Variants in NTRK3 observed in about 807,000 individuals in gnomAD.
NTRK3 encodes NT-3 growth factor receptor.
Under a neutral mutation model 91.7 loss-of-function variants are expected in NTRK3, and 24 were observed. The ratio of observed to expected loss-of-function variants is 0.26; its 90% CI spans 0.19 to 0.37. NTRK3 has a LOEUF of 0.37. NTRK3 is among the 10% of genes least tolerant of loss of function. The pLI is 1.00. For missense variants in NTRK3, 880 were observed against 1,068.9 expected, an observed-to-expected ratio of 0.82 and a Z score of 2.46; for synonymous variants, 483 against 404.0, an observed-to-expected ratio of 1.20 and a Z score of -2.34.
chr15:88,085,108 G>A (rs968181631), intron 13 of NTRK3, among the ~76,000 whole-genome samples: 1 of 152,188 alleles, frequency 6.6e-6, no homozygotes, highest in Admixed American at 6.5e-5. Flanking sequence ...AACAGCCTGG[G>A]TGCAGCCAAG....
intron 14 of NTRK3, among the ~76,000 whole-genome samples, chr15:87,952,214 AAAAGAAAAGAG>A (rs992001838): frequency 6.0e-5 from 9 of 150,210 alleles, no homozygotes; most frequent in African/African-American, 2.0e-4. Context: ...AAGAAAGAAG[AAAAGAAAAGAG>A]AAAGAAAAGA....
At position 88,240,001 on chromosome 15, in the gene NTRK3, T is replaced by C. The variant is rs1007097118; in HGVS notation, c.248+15905A>G. ...CGCATGCACGCCAAAGCTTAATAACTCACAGGGTCTGGTCTCCAGAACACA... is the reference window on the plus strand; with the variant it reads ...CGCATGCACGCCAAAGCTTAATAACCCACAGGGTCTGGTCTCCAGAACACA... On this transcript the variant is annotated intron_variant, in intron 3 of 18. Coordinates refer to ENST00000394480, the Ensembl canonical transcript of NTRK3. The surrounding 1 kb of genome is among the most constrained non-coding windows in gnomAD (Gnocchi z 4.9). Among the ~76,000 whole-genome samples, 4 of 151,798 alleles carry C rather than the reference T, an allele frequency of 2.6e-5. No individual in the cohort carries two copies. The highest frequency in any genetic ancestry group is 6.6e-5 in the Admixed American group (1 of 15,238).
intron 13 of NTRK3, among the ~76,000 whole-genome samples, chr15:88,110,728 C>T (rs140431605): frequency 2.0e-4 from 31 of 152,274 alleles, no homozygotes; most frequent in African/African-American, 7.5e-4. Flanking sequence ...ACAAGGCTGG[C>T]AAGAGTGGAA....
chr15:88,117,386 A>G (rs1183678272), intron 13 of NTRK3, among the ~76,000 whole-genome samples: 2 of 152,204 alleles, frequency 1.3e-5, no homozygotes, highest in Non-Finnish European at 2.9e-5. Context: ...TTCCCCTACT[A>G]TGATTAGAAG....
In NTRK3 at chr15:88,183,410, C is replaced by G; in HGVS notation, c.395+8G>C. On this transcript the variant is annotated splice_region_variant and intron_variant, in intron 5 of 18. Transcript: ENST00000394480. The stretch of plus-strand genomic sequence containing the variant: ...TGCCCCCAATCCCTGCAGCCCAGCT[C>G]TACTCACATATAACGCAAATGGGGG... The G allele has an allele frequency of 1.9e-6, 3 of 1,614,004 alleles. No individual in the cohort carries two copies. The highest frequency in any genetic ancestry group is 2.2e-5 in the East Asian group (1 of 44,854).
At chr15:88,022,686 C>T (rs923080691) in intron 14 of NTRK3, among the ~76,000 whole-genome samples, 2 of 152,304 alleles carry the variant, frequency 1.3e-5, no homozygotes, top group Non-Finnish European at 2.9e-5. Context: ...CCCCTGGGCT[C>T]CCATCCCACC....
In NTRK3 at chr15:87,912,931, A is replaced by AAAATATATATATATATATAT. The variant is rs1484111389; in HGVS notation, c.2133+16259_2133+16260insATATATATATATATATATTT. Among the ~76,000 whole-genome samples, 10 of 36,486 alleles carry AAAATATATATATATATATAT rather than the reference A, an allele frequency of 2.7e-4. 1 individual carries two copies. The highest frequency in any genetic ancestry group is 5.4e-4 in the African/African-American group (4 of 7,376). The allele number at this position is 36,486 out of a possible 152,430, so 23.9% of individuals were successfully genotyped here. On this transcript the variant is annotated intron_variant, in intron 17 of 18. Coordinates refer to ENST00000394480, the Ensembl canonical transcript of NTRK3. Reference sequence around the variant, plus strand: ...TTCAACTTTTCAAAAAGTAAAAAAAAATATATATATATATATATATATATA... The same window carrying AAAATATATATATATATATAT: ...TTCAACTTTTCAAAAAGTAAAAAAAAAAATATATATATATATATATATATATATATATATATATATATATA...
chr15:88,036,783 G>A (rs866656665), intron 13 of NTRK3, among the ~76,000 whole-genome samples: 18 of 152,176 alleles, frequency 1.2e-4, no homozygotes, highest in African/African-American at 3.9e-4. Context: ...AAGACCACAC[G>A]CAACAGAAGT....
intron 17 of NTRK3, among the ~76,000 whole-genome samples, chr15:87,907,447 C>T (rs114767959): frequency 0.012 from 1,877 of 152,168 alleles, 43 homozygotes; most frequent in African/African-American, 0.043. Context: ...ATTTACCTCC[C>T]TAACCAAATT....
At chr15:87,966,107 C>CA (rs1410895767) in intron 14 of NTRK3, among the ~76,000 whole-genome samples, 26 of 147,166 alleles carry the variant, frequency 1.8e-4, no homozygotes, top group South Asian at 1.7e-3. Context: ...AACAAACAAA[C>CA]AAAAAACTCC....
At chr15:88,100,823 C>T (rs1300653084) in intron 13 of NTRK3, among the ~76,000 whole-genome samples, 2 of 152,188 alleles carry the variant, frequency 1.3e-5, no homozygotes, top group African/African-American at 4.8e-5. Flanking sequence ...ATGTAGAAAG[C>T]TGAAACTGGA....
At chr15:88,150,900 A>T (rs956961936) in intron 5 of NTRK3, among the ~76,000 whole-genome samples, 3 of 151,988 alleles carry the variant, frequency 2.0e-5, no homozygotes, top group African/African-American at 7.3e-5. Flanking sequence ...GTTGCCACCC[A>T]CTCGGAACTC....
chr15:88,130,849 T>C (rs181626545), intron 10 of NTRK3, among the ~76,000 whole-genome samples: 32 of 152,282 alleles, frequency 2.1e-4, no homozygotes, highest in African/African-American at 7.5e-4. Flanking sequence ...ATGGGACAAG[T>C]GATGAAATGT....
intron 3 of NTRK3, among the ~76,000 whole-genome samples, chr15:88,246,262 G>T (rs2052806679): frequency 6.6e-6 from 1 of 152,248 alleles, no homozygotes; most frequent in Admixed American, 6.5e-5. Flanking sequence ...TCCAGGCAGG[G>T]CCCATGGCCC....
In NTRK3 at chr15:88,129,478, T is replaced by C. The variant is rs909471386; in HGVS notation, c.1205-744A>G. Among the ~76,000 whole-genome samples, 3 of 152,222 alleles carry C rather than the reference T, an allele frequency of 2.0e-5. No individual in the cohort carries two copies. The South Asian group carries it at 6.2e-4, about 31-fold the overall frequency. On this transcript the variant is annotated intron_variant, in intron 10 of 18. Coordinates refer to ENST00000394480, the Ensembl canonical transcript of NTRK3. ...CACTCATTTAAGAAGAAATTAGAGCTGAATTCAAATCTCCGTCCAGGCTCT... is the reference window on the plus strand; with the variant it reads ...CACTCATTTAAGAAGAAATTAGAGCCGAATTCAAATCTCCGTCCAGGCTCT...
chr15:88,222,037 G>C (rs993811587), intron 3 of NTRK3, among the ~76,000 whole-genome samples: 2 of 152,174 alleles, frequency 1.3e-5, no homozygotes, highest in African/African-American at 4.8e-5. Context: ...CAAAGCATGA[G>C]CTAGAAAGGC....
chr15:87,955,186 C>T (rs1296821576), intron 14 of NTRK3, among the ~76,000 whole-genome samples: 1 of 152,206 alleles, frequency 6.6e-6, no homozygotes, highest in Non-Finnish European at 1.5e-5. Context: ...CGAGGCTGCT[C>T]AGTTTGAGCT....
intron 12 of NTRK3, among the ~76,000 whole-genome samples, chr15:88,126,832 A>G (rs1597459619): frequency 6.6e-6 from 1 of 152,124 alleles, no homozygotes; most frequent in South Asian, 2.1e-4. Flanking sequence ...GCGCTTGAAA[A>G]CACACCCAAG....
intron 17 of NTRK3, among the ~76,000 whole-genome samples, chr15:87,904,570 T>C (rs982312981): frequency 6.6e-6 from 1 of 152,120 alleles, no homozygotes; most frequent in South Asian, 2.1e-4. Flanking sequence ...TGACCAAGTC[T>C]CTAAGCAGAT....
Sources: allele counts gnomAD v4.1 joint callset (sites outside exome capture counted in the v4.1 genomes callset), GRCh38; gene constraint gnomAD v4.1.1; non-coding constraint Gnocchi (gnomAD v3.1); transcripts MANE v1.5; gene names NCBI Gene and HGNC (gene_info 2026-07-23, HGNC 2026-07-21).